Variants in LRRK2 observed in about 807,000 individuals in gnomAD.
LRRK2 encodes leucine-rich repeat serine/threonine-protein kinase 2.
LRRK2 carries 203 observed loss-of-function variants against 302.6 expected under a neutral mutation model. The ratio of observed to expected loss-of-function variants is 0.67; its 90% CI spans 0.60 to 0.75. The LOEUF (loss-of-function observed/expected upper bound fraction) is 0.75. Among genes scored for constraint, LRRK2 ranks in the 30% least tolerant of loss-of-function variants. The pLI is 0.00. For synonymous variants in LRRK2, 1,066 were observed against 1,031.9 expected, an observed-to-expected ratio of 1.03 and a Z score of -0.63; for missense variants, 2,830 against 2,951.0, an observed-to-expected ratio of 0.96 and a Z score of 0.95.
intron 6 of LRRK2, among the ~76,000 whole-genome samples, chr12:40,241,958 A>C (rs776374531): frequency 6.6e-6 from 1 of 152,158 alleles, no homozygotes; most frequent in South Asian, 2.1e-4. Context: ...AACAAACTGA[A>C]TATGTTTTTC....
chr12:40,256,706 TG>T (rs757323962), intron 11 of LRRK2, among the ~76,000 whole-genome samples: 4 of 152,218 alleles, frequency 2.6e-5, no homozygotes, highest in Admixed American at 6.6e-5. Flanking sequence ...AGCTGAAGGC[TG>T]AAAGCAACCA....
chr12:40,355,527 C>CCCTTCCTT (rs1317267757), intron 45 of LRRK2, among the ~76,000 whole-genome samples: 2 of 74,804 alleles, frequency 2.7e-5, no homozygotes, highest in African/African-American at 4.6e-5. Context: ...CTCCCTCCCT[C>CCCTTCCTT]CCTTCCTTCC....
chr12:40,341,203 C>CT (rs1279343159), intron 41 of LRRK2, among the ~76,000 whole-genome samples: 1 of 152,106 alleles, frequency 6.6e-6, no homozygotes, highest in African/African-American at 2.4e-5. Flanking sequence ...GGGGAACACT[C>CT]TATCTTTAGG....
At position 40,368,788 on chromosome 12, in the gene LRRK2, A is replaced by T. The variant is rs1946953944; in HGVS notation, c.*1023A>T. On this transcript the variant is annotated 3_prime_UTR_variant, in exon 51 of 51. Transcript: ENST00000298910. Reference sequence around the variant, plus strand: ...AGTTGCTGAAGGAGAAAGGAGCTTTAGTTATGATGGATAAAAATATCTGCC... The same window carrying T: ...AGTTGCTGAAGGAGAAAGGAGCTTTTGTTATGATGGATAAAAATATCTGCC... 1 of 151,604 alleles carries T rather than the reference A, an allele frequency of 6.6e-6. No homozygotes were observed. The highest frequency in any genetic ancestry group is 6.6e-5 in the Admixed American group (1 of 15,152). 9.4% of individuals were successfully genotyped at this position (151,604 alleles called of 1,614,324 possible).
At chr12:40,246,511 G>C (rs999136907) in intron 7 of LRRK2, among the ~76,000 whole-genome samples, 3 of 151,654 alleles carry the variant, frequency 2.0e-5, no homozygotes, top group East Asian at 3.9e-4. Context: ...TGGCTATTTT[G>C]TGTTTTGTAT....
In LRRK2 at chr12:40,314,124, G is replaced by C. The variant is rs540432454; in HGVS notation, c.4689G>C (p.Gln1563His). 2 of 1,612,688 alleles carry C rather than the reference G, an allele frequency of 1.2e-6. No homozygotes were observed. Among genetic ancestry groups the C allele is most frequent in the African/African-American group, 2.7e-5 (2 of 74,970 alleles). The change falls in exon 32 of 51, where the codon CAG becomes CAC. Residue 1563 changes from glutamine (Q) to histidine (H), a missense_variant. By Grantham distance (24) the Gln-to-His change is conservative. Coordinates refer to ENST00000298910, the MANE Select transcript of LRRK2 (RefSeq NM_198578.4). ...LLQLVRENQL[Q>H]LDENELPHAV... The stretch of plus-strand genomic sequence containing the variant: ...AACTAGTGAGAGAAAATCAGCTGCA[G>C]TTAGATGAAAATGAGCTTCCTCACG...
chr12:40,334,313 T>C (rs1446803506), intron 39 of LRRK2, among the ~76,000 whole-genome samples: 1 of 152,132 alleles, frequency 6.6e-6, no homozygotes, highest in East Asian at 1.9e-4. Context: ...AAAATAGAAC[T>C]TAAAAATTTA....
chr12:40,227,419 T>C (rs1179553266), intron 2 of LRRK2, among the ~76,000 whole-genome samples: 2 of 152,212 alleles, frequency 1.3e-5, no homozygotes, highest in East Asian at 3.8e-4. Flanking sequence ...TATCTAATTA[T>C]ATTTTTGTAC....
At chr12:40,329,962 A>T (rs1945667099) in intron 39 of LRRK2, among the ~76,000 whole-genome samples, 1 of 152,212 alleles carries the variant, frequency 6.6e-6, no homozygotes, top group Admixed American at 6.5e-5. Flanking sequence ...CTAAGTTCTT[A>T]ATCATACAGT....
At chr12:40,279,230 C>A (rs1943588701) in intron 18 of LRRK2, among the ~76,000 whole-genome samples, 1 of 80,692 alleles carries the variant, frequency 1.2e-5, no homozygotes, top group Non-Finnish European at 3.2e-5. Context: ...CTTTTTAAAC[C>A]TTACTGTATT....
intron 2 of LRRK2, among the ~76,000 whole-genome samples, chr12:40,230,502 TA>T (rs1283691383): frequency 1.3e-5 from 2 of 152,204 alleles, no homozygotes; most frequent in African/African-American, 4.8e-5. Context: ...CATCCGTTCT[TA>T]TACAATCTGG....
chr12:40,246,698 G>C (rs1942001448), intron 7 of LRRK2, among the ~76,000 whole-genome samples: 1 of 152,094 alleles, frequency 6.6e-6, no homozygotes, highest in South Asian at 2.1e-4. Flanking sequence ...CAGAGCACAG[G>C]ACTGACCTGG....
At chr12:40,272,035 G>A (rs898443531) in intron 14 of LRRK2, among the ~76,000 whole-genome samples, 1 of 152,110 alleles carries the variant, frequency 6.6e-6, no homozygotes, top group South Asian at 2.1e-4. Context: ...GATGCTCTTT[G>A]AGCTTGGGAG....
intron 35 of LRRK2, among the ~76,000 whole-genome samples, chr12:40,321,769 AT>A (rs1229649806): frequency 6.6e-6 from 1 of 152,046 alleles, no homozygotes; most frequent in Non-Finnish European, 1.5e-5. Flanking sequence ...TTTATTTATG[AT>A]TTTCTTTCTT....
At chr12:40,227,010 C>G (rs1940926054) in intron 2 of LRRK2, among the ~76,000 whole-genome samples, 1 of 152,034 alleles carries the variant, frequency 6.6e-6, no homozygotes, top group Non-Finnish European at 1.5e-5. Context: ...ACTTGACAAC[C>G]CAGGGGAGCC....
intron 7 of LRRK2, among the ~76,000 whole-genome samples, chr12:40,247,466 T>C (rs1274188701): frequency 6.7e-6 from 1 of 148,396 alleles, no homozygotes; most frequent in Admixed American, 6.8e-5. Flanking sequence ...TGTATATAAA[T>C]ATATACACAT....
At chr12:40,309,337 G>GAA (rs1944956479) in intron 30 of LRRK2, 104 bp downstream of exon 30, 14 of 1,419,408 alleles carry the variant, frequency 9.9e-6, no homozygotes. Context: ...AATTGCTTCA[G>GAA]TCTCTTTAAA....
chr12:40,302,913 C>T, intron 26 of LRRK2, 31 bp downstream of exon 26: 1 of 1,369,004 alleles, frequency 7.3e-7, no homozygotes, highest in Non-Finnish European at 1.0e-6. Flanking sequence ...ATTTTAAAAG[C>T]ACATTAGCTG....
At chr12:40,278,674 G>A (rs1488076634) in intron 18 of LRRK2, among the ~76,000 whole-genome samples, 3 of 152,122 alleles carry the variant, frequency 2.0e-5, no homozygotes, top group Admixed American at 1.3e-4. Context: ...GGCTATGCAG[G>A]CTGTGGATGG....
Sources: allele counts gnomAD v4.1 joint callset (sites outside exome capture counted in the v4.1 genomes callset), GRCh38; gene constraint gnomAD v4.1.1; transcripts MANE v1.5; gene names NCBI Gene and HGNC (gene_info 2026-07-23, HGNC 2026-07-21).